MIA2: variants seen among roughly 807,000 people sequenced by gnomAD.
MIA2 encodes the protein MIA SH3 domain ER export factor 2.
A neutral mutation model predicts 167.8 loss-of-function variants in MIA2; 127 were observed. The ratio of observed to expected loss-of-function variants is 0.76; its 90% CI spans 0.66 to 0.88. The LOEUF (loss-of-function observed/expected upper bound fraction) is 0.88. Among genes scored for constraint, MIA2 ranks in the 40% least tolerant of loss-of-function variants. MIA2 has a pLI of 0.00. For missense variants in MIA2, 1,690 were observed against 1,624.7 expected, an observed-to-expected ratio of 1.04 and a Z score of -0.69; for synonymous variants, 552 against 541.9, an observed-to-expected ratio of 1.02 and a Z score of -0.26.
chr14:39,388,520 C>T, downstream of MIA2: 1 of 174,230 alleles, frequency 5.7e-6, no homozygotes, highest in Non-Finnish European at 1.2e-5. The surrounding 1 kb of genome is among the most constrained non-coding windows in gnomAD (Gnocchi z 4.1). Flanking sequence ...CTTCTGTGTG[C>T]TAGTGTGTCT....
chr14:39,242,399 T>C (rs955397762), intron 3 of MIA2, among the ~76,000 whole-genome samples: 1 of 151,460 alleles, frequency 6.6e-6, no homozygotes, highest in Non-Finnish European at 1.5e-5. Context: ...CTCTGCTCAC[T>C]GCAACCTCCG....
At chr14:39,285,157 C>T (rs1244000423) in intron 9 of MIA2, among the ~76,000 whole-genome samples, 1 of 152,194 alleles carries the variant, frequency 6.6e-6, no homozygotes, top group Non-Finnish European at 1.5e-5. Context: ...CTTCTTTCTA[C>T]ACATACACAG....
At chr14:39,351,046 A>G (rs111279316), downstream of MIA2, 1 of 152,104 alleles carries the variant, frequency 6.6e-6, no homozygotes, top group African/African-American at 2.4e-5. Context: ...ACTGTAGTGA[A>G]TGATGTGTCA....
chr14:39,318,245 C>T (rs899692560), intron 22 of MIA2, among the ~76,000 whole-genome samples: 2 of 152,042 alleles, frequency 1.3e-5, no homozygotes, highest in Non-Finnish European at 2.9e-5. Context: ...AAAAGTATAA[C>T]TAGAATTTTT....
intron 23 of MIA2, among the ~76,000 whole-genome samples, chr14:39,361,250 T>G (rs954575007): frequency 6.6e-6 from 1 of 152,194 alleles, no homozygotes; most frequent in African/African-American, 2.4e-5. Context: ...ATGGACTTTT[T>G]AACAATATTA....
intron 25 of MIA2, among the ~76,000 whole-genome samples, chr14:39,344,161 C>T (rs2072681697): frequency 6.6e-6 from 1 of 152,074 alleles, no homozygotes; most frequent in Admixed American, 6.6e-5. Context: ...GCAACATAGC[C>T]ATGTAGTTTA....
intron 19 of MIA2, among the ~76,000 whole-genome samples, chr14:39,314,222 C>G (rs927607509): frequency 2.6e-5 from 4 of 151,942 alleles, no homozygotes; most frequent in African/African-American, 9.7e-5. Flanking sequence ...CCCATCTCTA[C>G]TAAAAATACA....
rs779230536 is a variant in MIA2, at chr14:39,326,855, TTTAA to T, written c.3497-5_3497-2del. ...AAACAGATTTGTATGTTTTTTTTTC[TTTAA>T]TTAGGCTCACGAGGCCCAGGGAATC... On this transcript the variant is annotated splice_region_variant and splice_polypyrimidine_tract_variant and intron_variant, in intron 24 of 28. Transcript: ENST00000640607. The T allele has an allele frequency of 2.6e-6, 4 of 1,560,554 alleles. No homozygotes were observed. Among genetic ancestry groups the T allele is most frequent in the Non-Finnish European group, 3.4e-6 (4 of 1,162,046 alleles).
downstream of MIA2, among the ~76,000 whole-genome samples, chr14:39,352,599 T>G (rs1567042963): frequency 6.6e-6 from 1 of 151,990 alleles, no homozygotes; most frequent in Non-Finnish European, 1.5e-5. Flanking sequence ...GATACCAAAA[T>G]CCATGGATGC....
intron 23 of MIA2, among the ~76,000 whole-genome samples, chr14:39,369,508 G>A (rs1028619310): frequency 6.6e-6 from 1 of 152,192 alleles, no homozygotes; most frequent in African/African-American, 2.4e-5. Context: ...CAGGTAGACT[G>A]GCTTCCAGCC....
At chr14:39,347,575 C>T (rs1321627220) in intron 26 of MIA2, 138 bp from the exon 27 acceptor site, 5 of 754,978 alleles carry the variant, frequency 6.6e-6, no homozygotes, top group Non-Finnish European at 6.6e-6. Context: ...TTCTTGTGGC[C>T]GCAATATAGG....
intron 6 of MIA2, among the ~76,000 whole-genome samples, chr14:39,259,093 C>A (rs2054952418): frequency 6.6e-6 from 1 of 152,254 alleles, no homozygotes; most frequent in Non-Finnish European, 1.5e-5. Flanking sequence ...TGCCCCTTAG[C>A]AGAGCTGGTG....
chr14:39,258,056 T>C (rs147031533), intron 6 of MIA2, among the ~76,000 whole-genome samples: 281 of 152,328 alleles, frequency 1.8e-3, no homozygotes, highest in African/African-American at 6.1e-3. Flanking sequence ...CTAATGATTA[T>C]GTGTCTTGGG....
intron 9 of MIA2, among the ~76,000 whole-genome samples, chr14:39,283,321 T>C (rs1159518736): frequency 6.6e-6 from 1 of 152,246 alleles, no homozygotes; most frequent in Non-Finnish European, 1.5e-5. Flanking sequence ...TACTACTTTC[T>C]GTAGTGACTG....
intron 17 of MIA2, among the ~76,000 whole-genome samples, chr14:39,306,260 A>G (rs2063323981): frequency 6.6e-6 from 1 of 152,198 alleles, no homozygotes; most frequent in Non-Finnish European, 1.5e-5. Flanking sequence ...ACATTGCTGT[A>G]AAGAACTACC....
chr14:39,370,213 C>G (rs1200612713), intron 23 of MIA2: 1 of 154,270 alleles, frequency 6.5e-6, no homozygotes, highest in Admixed American at 6.5e-5. Flanking sequence ...GTTGTTGCCT[C>G]AATAGCGAAA....
chr14:39,323,491 G>A (rs1206935155), intron 24 of MIA2, among the ~76,000 whole-genome samples: 1 of 130,908 alleles, frequency 7.6e-6, no homozygotes, highest in East Asian at 2.3e-4. Context: ...ACTAAGAAAT[G>A]TATTTTGTAT....
intron 6 of MIA2, among the ~76,000 whole-genome samples, chr14:39,262,859 T>G (rs1189455508): frequency 2.0e-5 from 3 of 152,168 alleles, no homozygotes; most frequent in Non-Finnish European, 4.4e-5. Flanking sequence ...TTTTGCACAT[T>G]GATTTTGTAT....
chr14:39,319,093 T>G (rs1427248751), intron 22 of MIA2, 116 bp from the exon 23 acceptor site: 1 of 469,138 alleles, frequency 2.1e-6, no homozygotes, highest in East Asian at 3.1e-5. Context: ...AGAGGATCTG[T>G]TTGTTCTGTG....
Sources: gnomAD v4.1 joint callset for allele counts (sites outside exome capture counted in the v4.1 genomes callset) on GRCh38, gnomAD v4.1.1 for gene constraint, Gnocchi (gnomAD v3.1) non-coding constraint, MANE v1.5 for transcripts, NCBI Gene and HGNC (gene_info 2026-07-23, HGNC 2026-07-21) for gene names.